Variants in TRIM36 observed in about 807,000 individuals in gnomAD.
The protein encoded by TRIM36 is E3 ubiquitin-protein ligase TRIM36.
In TRIM36, 42 loss-of-function variants were observed where a neutral mutation model predicts 72.4. The ratio of observed to expected loss-of-function variants is 0.58; its 90% CI spans 0.45 to 0.75. The LOEUF (loss-of-function observed/expected upper bound fraction) is 0.75. TRIM36 is among the 30% of genes least tolerant of loss of function. The pLI is 0.00. For synonymous variants in TRIM36, 315 were observed against 282.8 expected (o/e 1.11, Z -1.14); for missense variants, 913 against 857.1 (o/e 1.07, Z -0.81).
intron 4 of TRIM36, among the ~76,000 whole-genome samples, chr5:115,141,686 T>C (rs1275308026): frequency 6.6e-6 from 1 of 152,188 alleles, no homozygotes; most frequent in African/African-American, 2.4e-5. Context: ...CTAGAGCTCC[T>C]GCTCCTAAGG....
At position 115,130,807 on chromosome 5, in the gene TRIM36, A is replaced by G. The variant is rs1561418985; in HGVS notation, c.1581T>C (p.Ser527=). Reference sequence around the variant, plus strand: ...CAAGCAGAAGATTAAATCCAGCTCTACTCTCTACACGGTCTCTCTTCAAGT... The same window carrying G: ...CAAGCAGAAGATTAAATCCAGCTCTGCTCTCTACACGGTCTCTCTTCAAGT... The part of the protein sequence containing the change: ...LLNLKRDRVE[S]RAGFNLLLAA... The change falls in exon 9 of 10, where the codon AGT becomes AGC. Residue 527 remains serine, a synonymous_variant. Transcript: ENST00000513154. 1.2e-6 allele frequency: 2 copies of G among 1,613,870 alleles called. No homozygotes were observed. The highest frequency in any genetic ancestry group is 1.7e-6 in the Non-Finnish European group (2 of 1,179,988).
intron 2 of TRIM36, among the ~76,000 whole-genome samples, chr5:115,152,778 A>T (rs1753963672): frequency 6.6e-6 from 1 of 152,210 alleles, no homozygotes; most frequent in Non-Finnish European, 1.5e-5. Context: ...TCACTTGTGA[A>T]GGAAAGGTAA....
At chr5:115,155,488 A>G (rs1346287549) in intron 2 of TRIM36, among the ~76,000 whole-genome samples, 3 of 152,250 alleles carry the variant, frequency 2.0e-5, no homozygotes, top group African/African-American at 7.2e-5. Flanking sequence ...GTTTCATACC[A>G]GGGATGCAGG....
chr5:115,180,220 G>C (rs1238970979), upstream of TRIM36: 22 of 565,978 alleles, frequency 3.9e-5, no homozygotes, highest in Non-Finnish European at 6.8e-5. Flanking sequence ...GAAGGCCATC[G>C]AGGGCTCCCG....
At chr5:115,134,179 A>G in intron 7 of TRIM36, 32 bp from the exon 8 acceptor site, 1 of 1,510,312 alleles carries the variant, frequency 6.6e-7, no homozygotes, top group Non-Finnish European at 8.8e-7. Context: ...AAACAACATT[A>G]AAATATTGAC....
chr5:115,137,716 T>C, intron 5 of TRIM36, 100 bp from the exon 6 acceptor site: 1 of 1,298,686 alleles, frequency 7.7e-7, no homozygotes, highest in Non-Finnish European at 1.0e-6. Flanking sequence ...ATAATTACAT[T>C]TCATCTATGT....
rs78396313 is a variant in TRIM36 at position 115,144,561 on chromosome 5, C to T, written c.735+37G>A. On this transcript the variant is annotated intron_variant, in intron 4 of 9. Coordinates refer to ENST00000513154, the MANE Select transcript of TRIM36 (RefSeq NM_001300759.2). Reference sequence around the variant, plus strand: ...AAGTTAAAGGCATAAAGTAAAGTTACGAAGAATCAAAATTCTGTTCCAAAA... The same window carrying T: ...AAGTTAAAGGCATAAAGTAAAGTTATGAAGAATCAAAATTCTGTTCCAAAA... The T allele has an allele frequency of 4.2e-3, 6,742 of 1,611,162 alleles. 118 individuals are homozygous for T. In the East Asian group the frequency reaches 0.046, roughly 11 times the overall value.
At chr5:115,179,963 C>T (rs1755543676) in intron 1 of TRIM36, 2 of 1,613,830 alleles carry the variant, frequency 1.2e-6, no homozygotes, top group Non-Finnish European at 1.7e-6. Flanking sequence ...CGCCCCGCGC[C>T]TCATCACTTA....
chr5:115,165,706 C>A lies in TRIM36; in HGVS notation c.28-1954G>T, dbSNP rs1439641146. 2.6e-5 allele frequency among the ~76,000 whole-genome samples: 4 copies of A among 152,172 alleles called. No individual in the cohort carries two copies. The South Asian group carries it at 6.2e-4, about 24-fold the overall frequency. On this transcript the variant is annotated intron_variant, in intron 1 of 9. Transcript: ENST00000513154. Reference sequence around the variant, plus strand: ...GAACAGGCAGGAGCCCTTCTCCCTTCCGAGTTGGTGCGGAGGGAGCCCCAT... The same window carrying A: ...GAACAGGCAGGAGCCCTTCTCCCTTACGAGTTGGTGCGGAGGGAGCCCCAT...
intron 1 of TRIM36, among the ~76,000 whole-genome samples, chr5:115,166,573 C>T (rs1293180961): frequency 6.6e-6 from 1 of 152,210 alleles, no homozygotes; most frequent in East Asian, 1.9e-4. Context: ...GTCCATGTAG[C>T]TCATTCTTCC....
At chr5:115,128,095 G>GGGC (rs1554060425) in intron 9 of TRIM36, among the ~76,000 whole-genome samples, 3 of 149,212 alleles carry the variant, frequency 2.0e-5, no homozygotes, top group East Asian at 3.9e-4. Flanking sequence ...AAATTGGGGG[G>GGGC]GGCCAGGAGT....
chr5:115,148,500 C>T (rs1753716229), intron 2 of TRIM36: 1 of 350,550 alleles, frequency 2.9e-6, no homozygotes, highest in Non-Finnish European at 3.9e-6. Flanking sequence ...CAACCTCTGC[C>T]TCCCAGGTTC....
chr5:115,160,857 T>G (rs569710770), intron 2 of TRIM36, among the ~76,000 whole-genome samples: 3 of 151,938 alleles, frequency 2.0e-5, no homozygotes, highest in Admixed American at 2.0e-4. Flanking sequence ...CTCAAATAAA[T>G]GTCTAAAGGA....
At chr5:115,156,729 G>GA in intron 2 of TRIM36, among the ~76,000 whole-genome samples, 1 of 152,272 alleles carries the variant, frequency 6.6e-6, no homozygotes, top group East Asian at 1.9e-4. Context: ...AGATAACACT[G>GA]AAAAAACCAT....
At chr5:115,169,108 G>A (rs1754946840) in intron 1 of TRIM36, 1 of 154,426 alleles carries the variant, frequency 6.5e-6, no homozygotes, top group Admixed American at 6.5e-5. Flanking sequence ...AACACTTGTA[G>A]GCTGACAGCT....
intron 7 of TRIM36, 70 bp from the exon 8 acceptor site, chr5:115,134,217 A>T: frequency 2.2e-6 from 3 of 1,380,980 alleles, no homozygotes; most frequent in Non-Finnish European, 2.9e-6. Context: ...TTTCCTCAAT[A>T]AAATGACATA....
At chr5:115,159,905 T>G (rs1220211415) in intron 2 of TRIM36, among the ~76,000 whole-genome samples, 1 of 152,194 alleles carries the variant, frequency 6.6e-6, no homozygotes, top group Non-Finnish European at 1.5e-5. Flanking sequence ...AGACAATACT[T>G]TGTTCTATAT....
exon 1 of TRIM36, chr5:115,180,075 G>C (rs1302622693): frequency 1.9e-6 from 3 of 1,591,662 alleles, no homozygotes; most frequent in Non-Finnish European, 2.6e-6. Context: ...GACCGACGCG[G>C]GTGTATCGAA....
At chr5:115,139,482 T>C (rs1350843301) in intron 5 of TRIM36, among the ~76,000 whole-genome samples, 3 of 152,262 alleles carry the variant, frequency 2.0e-5, no homozygotes, top group Non-Finnish European at 4.4e-5. Context: ...TCCATTGGCT[T>C]TCAGCCAACA....
Sources: allele counts gnomAD v4.1 joint callset (sites outside exome capture counted in the v4.1 genomes callset), GRCh38; gene constraint gnomAD v4.1.1; transcripts MANE v1.5; gene names NCBI Gene and HGNC (gene_info 2026-07-23, HGNC 2026-07-21).